EFHC1: variants seen among roughly 807,000 people sequenced by gnomAD.
EFHC1 encodes the protein EF-hand domain containing 1.
EFHC1 carries 53 observed loss-of-function variants against 69.9 expected under a neutral mutation model. The ratio of observed to expected loss-of-function variants is 0.76; its 90% confidence interval spans 0.61 to 0.95. EFHC1 has a LOEUF of 0.95. Ranked by LOEUF, EFHC1 falls within the 40% of genes least tolerant of loss-of-function variation. The probability of loss-of-function intolerance (pLI) is 0.00; values close to 1 mark genes in which losing one functional copy is unlikely to be tolerated. For synonymous variants in EFHC1, 256 were observed against 278.4 expected, an observed-to-expected ratio of 0.92 and a Z score of 0.80; for missense variants, 739 against 798.7, an observed-to-expected ratio of 0.93 and a Z score of 0.90.
Position 52,495,815 on chromosome 6 carries a change from C to G in EFHC1, c.*3474C>G, listed in dbSNP as rs1443594528. 2.8e-6 allele frequency: 1 copy of G among 352,268 alleles called. No individual in the cohort carries two copies. The highest frequency in any genetic ancestry group is 2.2e-5 in the South Asian group (1 of 45,102). The allele number at this position is 352,268 out of a possible 1,614,324, so 21.8% of individuals were successfully genotyped here. A position where few individuals can be genotyped will look rare whatever the true frequency, so the allele number is the denominator to read the frequency against. On this transcript the variant is annotated 3_prime_UTR_variant, in exon 11 of 11. Transcript: ENST00000371068. ...GCTGTCCACTTCTTGCCTTGCATCT[C>G]CTTTTAAGTTTACTTAAGACTGAGA...
rs1369507055 is a variant in EFHC1, at chr6:52,497,056, A to ACAT, written c.*4719_*4721dup. 1.3e-5 allele frequency: 2 copies of ACAT among 152,204 alleles called. No homozygotes were observed. The highest frequency in any genetic ancestry group is 2.9e-5 in the Non-Finnish European group (2 of 68,040). The allele number at this position is 152,204 out of a possible 1,614,324, so 9.4% of individuals were successfully genotyped here. A position where few individuals can be genotyped will look rare whatever the true frequency, so the allele number is the denominator to read the frequency against. On this transcript the variant is annotated 3_prime_UTR_variant, in exon 11 of 11. Coordinates refer to ENST00000371068, the MANE Select transcript of EFHC1 (RefSeq NM_018100.4). ...AACCCCATTTCCTCCAAGCTAAATA[A>ACAT]CATCATAGTATAGTAGGCATCAAGG...
chr6:52,475,792 T>C (rs191113321), intron 7 of EFHC1, among the ~76,000 whole-genome samples: 218 of 152,336 alleles, frequency 1.4e-3, no homozygotes, highest in African/African-American at 4.9e-3. Flanking sequence ...AAAGGTACAG[T>C]GGAGAACAAG....
intron 2 of EFHC1, among the ~76,000 whole-genome samples, chr6:52,434,242 T>G (rs1764478665): frequency 6.6e-6 from 1 of 152,122 alleles, no homozygotes; most frequent in Non-Finnish European, 1.5e-5. Flanking sequence ...CAGCTGGAGG[T>G]TCCCTTCTTC....
At chr6:52,448,874 T>G (rs1189349850) in intron 3 of EFHC1, among the ~76,000 whole-genome samples, 1 of 152,220 alleles carries the variant, frequency 6.6e-6, no homozygotes, top group Non-Finnish European at 1.5e-5. Context: ...CCTACTTGAT[T>G]GTGGTGGATT....
intron 7 of EFHC1, among the ~76,000 whole-genome samples, chr6:52,474,227 G>A (rs1765498181): frequency 6.6e-6 from 1 of 152,194 alleles, no homozygotes. Context: ...AAGGCGGGAG[G>A]ATCACTTGAA....
At chr6:52,432,200 G>A (rs956162620) in intron 2 of EFHC1, among the ~76,000 whole-genome samples, 1 of 152,128 alleles carries the variant, frequency 6.6e-6, no homozygotes, top group Admixed American at 6.5e-5. Flanking sequence ...TTCAACATTA[G>A]TATTAAGATG....
At chr6:52,490,058 A>G in intron 9 of EFHC1, 82 bp from the exon 10 acceptor site, 1 of 1,300,890 alleles carries the variant, frequency 7.7e-7, no homozygotes, top group East Asian at 2.5e-5. Context: ...CCCTGATTTC[A>G]TCAAGTAAGA....
chr6:52,476,088 G>A (rs1383254365), intron 7 of EFHC1, among the ~76,000 whole-genome samples: 1 of 152,084 alleles, frequency 6.6e-6, no homozygotes, highest in Non-Finnish European at 1.5e-5. Context: ...CAAAAAGGTG[G>A]AAATGACAGG....
At chr6:52,434,018 C>A (rs1318064449) in intron 2 of EFHC1, among the ~76,000 whole-genome samples, 1 of 151,958 alleles carries the variant, frequency 6.6e-6, no homozygotes, top group African/African-American at 2.4e-5. Flanking sequence ...CAATCTCACT[C>A]CCACTGTCCC....
Position 52,420,472 on chromosome 6 carries a change from C to T in EFHC1, c.62C>T (p.Thr21Met), listed in dbSNP as rs958770931. Residue 21 changes from threonine to methionine, a missense_variant and splice_region_variant, in exon 1 of 11, where the codon ACG (threonine) becomes ATG (methionine). Physicochemically the swap from Thr to Met is moderately conservative, Grantham distance 81. Coordinates refer to ENST00000371068, the MANE Select transcript of EFHC1 (RefSeq NM_018100.4). ...FLPGTSFKDS[T>M]KTAFHRSQTL... is the part of the protein sequence containing the mutation. ...CCGGGCACGTCCTTTAAGGACTCTA[C>T]GGTGAGCAGTTATCTGCCAGACTCC... 3.7e-6 allele frequency: 6 copies of T among 1,614,070 alleles called. No individual in the cohort carries two copies. The African/African-American group carries it at 5.3e-5, about 14-fold the overall frequency.
In EFHC1 at chr6:52,420,377, C is replaced by G. The variant is rs775840774; in HGVS notation, c.-34C>G. 15 of 1,614,172 alleles carry G rather than the reference C, an allele frequency of 9.3e-6. No individual in the cohort carries two copies. Among genetic ancestry groups the G allele is most frequent in the Non-Finnish European group, 1.3e-5 (15 of 1,179,988 alleles). ...GCCTGGGCAACCGGAGAGGACGAAGCAGGACCTAGGTGGCGGCGGTGGTAC... is the reference window on the plus strand; with the variant it reads ...GCCTGGGCAACCGGAGAGGACGAAGGAGGACCTAGGTGGCGGCGGTGGTAC... On this transcript the variant is annotated 5_prime_UTR_variant, in exon 1 of 11. Transcript: ENST00000371068.
Position 52,424,114 on chromosome 6 carries a change from A to G in EFHC1, c.232A>G (p.Lys78Glu). ...ACCAGTCTTAACTTATGGCCAACCT[A>G]AACAAGCCCCACCTGCGGATTTTAT... ...KAPVLTYGQP[K>E]QAPPADFIPA... The change falls in exon 2 of 11, where the codon AAA (lysine) becomes GAA (glutamate). Residue 78 changes from lysine (K) to glutamate (E), a missense_variant. By Grantham distance (56) the Lys-to-Glu change is moderately conservative (BLOSUM62 1). Transcript: ENST00000371068. 1 of 1,614,174 alleles carries G rather than the reference A, an allele frequency of 6.2e-7. No homozygotes were observed. The highest frequency in any genetic ancestry group is 8.5e-7 in the Non-Finnish European group (1 of 1,180,026).
intron 5 of EFHC1, among the ~76,000 whole-genome samples, chr6:52,458,586 A>G (rs967506532): frequency 2.6e-5 from 4 of 152,166 alleles, no homozygotes; most frequent in African/African-American, 7.2e-5. Context: ...GGATGCAATC[A>G]TACCAGTCAG....
chr6:52,425,942 C>T (rs765128068), intron 2 of EFHC1, among the ~76,000 whole-genome samples: 7 of 152,190 alleles, frequency 4.6e-5, no homozygotes, highest in African/African-American at 7.2e-5. Context: ...CAAGTGCCCT[C>T]ATCTTTTCCC....
At chr6:52,443,737 G>A (rs1439469459) in intron 3 of EFHC1, among the ~76,000 whole-genome samples, 1 of 152,162 alleles carries the variant, frequency 6.6e-6, no homozygotes, top group South Asian at 2.1e-4. Context: ...CTCCAGCTTT[G>A]TTCTTTTGGC....
At chr6:52,457,717 A>C (rs1427715000) in intron 5 of EFHC1, among the ~76,000 whole-genome samples, 1 of 152,214 alleles carries the variant, frequency 6.6e-6, no homozygotes, top group Admixed American at 6.5e-5. Flanking sequence ...CTTGAACCCA[A>C]GGAACCAGGT....
chr6:52,490,664 A>G (rs113815734), intron 10 of EFHC1: 8,097 of 559,034 alleles, frequency 0.014, 150 homozygotes, highest in South Asian at 0.059. Context: ...GGGAGACTCA[A>G]AGATAAGTTG....
intron 5 of EFHC1, among the ~76,000 whole-genome samples, chr6:52,461,806 TA>T (rs1354832026): frequency 6.6e-6 from 1 of 152,158 alleles, no homozygotes; most frequent in Non-Finnish European, 1.5e-5. Context: ...TATATTAGTA[TA>T]ATACAAAAAG....
chr6:52,430,499 G>T (rs1238614880), intron 2 of EFHC1: 1 of 152,018 alleles, frequency 6.6e-6, no homozygotes, highest in Non-Finnish European at 1.5e-5. Context: ...TGTTTATGTG[G>T]TGTATCACAT....
Sources: gnomAD v4.1 joint callset for allele counts (sites outside exome capture counted in the v4.1 genomes callset) on GRCh38, gnomAD v4.1.1 for gene constraint, MANE v1.5 for transcripts, NCBI Gene and HGNC (gene_info 2026-07-23, HGNC 2026-07-21) for gene names.